CENPP: variants seen among roughly 807,000 people sequenced by gnomAD.
CENPP encodes the protein centromere protein P.
Under a neutral mutation model 35.6 loss-of-function variants are expected in CENPP, and 24 were observed. The observed-to-expected ratio is 0.67, with a 90% CI of 0.49 to 0.95. The LOEUF is 0.95. Among genes scored for constraint, CENPP ranks in the 40% least tolerant of loss-of-function variants. CENPP has a pLI of 0.00. For missense variants in CENPP, 332 were observed against 345.3 expected (o/e 0.96, Z 0.31); for synonymous variants, 120 against 125.5 (o/e 0.96, Z 0.29).
In CENPP at chr9:92,411,560, G is replaced by C. The variant is rs567430517; in HGVS notation, c.564+31701G>C. Among the ~76,000 whole-genome samples the C allele has an allele frequency of 1.1e-4, 17 of 152,306 alleles. No homozygotes were observed. In the South Asian group the frequency reaches 3.1e-3, roughly 28 times the overall value. The stretch of plus-strand genomic sequence containing the variant: ...TCAGCCCACCTCAGCCTCCCAAAGT[G>C]CTGGTATTACAGGTGTAATCCACCA... On this transcript the variant is annotated intron_variant, in intron 5 of 7. Transcript: ENST00000375587.
At chr9:92,352,278 G>A (rs1841467963) in intron 4 of CENPP, among the ~76,000 whole-genome samples, 1 of 150,388 alleles carries the variant, frequency 6.6e-6, no homozygotes, top group African/African-American at 2.4e-5. Flanking sequence ...GCTGAGGCAC[G>A]AAAATCGCTT....
At chr9:92,430,719 TG>T (rs1844086568) in intron 5 of CENPP, among the ~76,000 whole-genome samples, 1 of 152,136 alleles carries the variant, frequency 6.6e-6, no homozygotes, top group Non-Finnish European at 1.5e-5. Flanking sequence ...CTGCATTTGC[TG>T]AAAAATTCTT....
In CENPP at chr9:92,552,024, AT is replaced by A. The variant is rs1564000144; in HGVS notation, c.565-59289del. 9.8e-4 allele frequency among the ~76,000 whole-genome samples: 125 copies of A among 127,018 alleles called. 4 individuals carry two copies. Among genetic ancestry groups the A allele is most frequent in the Non-Finnish European group, 1.1e-3 (71 of 62,182 alleles). The allele number at this position is 127,018 out of a possible 152,430, so 83.3% of individuals were successfully genotyped here. ...TATGTGTATATATATGATATGATAG[AT>A]CTATCATATATGTGATATTATAGGT... is the stretch of plus-strand genomic sequence containing the variant. On this transcript the variant is annotated intron_variant, in intron 5 of 7. Coordinates refer to ENST00000375587, the MANE Select transcript of CENPP (RefSeq NM_001012267.3).
intron 5 of CENPP, among the ~76,000 whole-genome samples, chr9:92,528,830 G>C (rs192002121): frequency 5.5e-4 from 84 of 152,324 alleles, no homozygotes; most frequent in African/African-American, 1.8e-3. Flanking sequence ...AGGATCCAAT[G>C]TAAATTTACC....
At chr9:92,450,357 G>C (rs1345053558) in intron 5 of CENPP, among the ~76,000 whole-genome samples, 2 of 148,436 alleles carry the variant, frequency 1.3e-5, no homozygotes, top group Non-Finnish European at 3.0e-5. Context: ...TTGGTTTTTT[G>C]TTCTTGCGAT....
chr9:92,549,464 T>C (rs962875060), intron 5 of CENPP, among the ~76,000 whole-genome samples: 2 of 152,104 alleles, frequency 1.3e-5, no homozygotes, highest in Non-Finnish European at 2.9e-5. Flanking sequence ...CTGGCCAATG[T>C]GGTGAAACAC....
At chr9:92,519,123 C>T (rs894509595) in intron 5 of CENPP, among the ~76,000 whole-genome samples, 1 of 152,166 alleles carries the variant, frequency 6.6e-6, no homozygotes, top group African/African-American at 2.4e-5. Flanking sequence ...TTAGTCCCCT[C>T]CTTTCCCCGA....
At chr9:92,426,978 C>G (rs1353011216) in intron 5 of CENPP, among the ~76,000 whole-genome samples, 2 of 152,040 alleles carry the variant, frequency 1.3e-5, no homozygotes, top group Non-Finnish European at 2.9e-5. Context: ...TAAAAGGAAC[C>G]AGGGCTGCTC....
chr9:92,385,808 A>G, intron 5 of CENPP: 1 of 1,613,522 alleles, frequency 6.2e-7, no homozygotes, highest in Non-Finnish European at 8.5e-7. Flanking sequence ...AAAACGAGGA[A>G]AACATTGTTC....
intron 5 of CENPP, among the ~76,000 whole-genome samples, chr9:92,533,331 ATATATATATAT>A (rs1848970867): frequency 2.5e-5 from 2 of 79,086 alleles, no homozygotes; most frequent in African/African-American, 4.8e-5. Context: ...AAAAAAAAAT[ATATATATATAT>A]ATATATATAT....
chr9:92,538,238 A>G (rs1849236419), intron 5 of CENPP, among the ~76,000 whole-genome samples: 1 of 152,246 alleles, frequency 6.6e-6, no homozygotes, highest in Admixed American at 6.5e-5. Flanking sequence ...TTGGAGAAAC[A>G]GAAGTAACTC....
At chr9:92,443,658 GTT>G (rs34836469) in intron 5 of CENPP, among the ~76,000 whole-genome samples, 4,702 of 148,306 alleles carry the variant, frequency 0.032, 113 homozygotes, top group South Asian at 0.086. Context: ...ATGTTACAAA[GTT>G]TTTTTTTTTT....
chr9:92,592,124 TATAA>T (rs765635759), intron 5 of CENPP, among the ~76,000 whole-genome samples: 26 of 152,174 alleles, frequency 1.7e-4, no homozygotes, highest in Non-Finnish European at 2.6e-4. Context: ...CTTATACATG[TATAA>T]ATATATACAT....
chr9:92,420,542 C>T (rs1363660914), intron 5 of CENPP, among the ~76,000 whole-genome samples: 3 of 152,160 alleles, frequency 2.0e-5, no homozygotes, highest in East Asian at 3.9e-4. Context: ...TTTCCTTAGA[C>T]CATCCTCCTT....
chr9:92,522,482 A>T, intron 5 of CENPP: 2 of 1,221,030 alleles, frequency 1.6e-6, no homozygotes, highest in Non-Finnish European at 1.1e-6. Flanking sequence ...CTTCATGGAG[A>T]TGTTCTCCCT....
intron 5 of CENPP, chr9:92,417,386 T>A: frequency 6.2e-7 from 1 of 1,614,118 alleles, no homozygotes; most frequent in Admixed American, 1.7e-5. Context: ...GCCTAAAGTA[T>A]ACTGATGAAA....
At chr9:92,604,853 C>G (rs1851029930) in intron 5 of CENPP, among the ~76,000 whole-genome samples, 1 of 152,100 alleles carries the variant, frequency 6.6e-6, no homozygotes, top group Non-Finnish European at 1.5e-5. Flanking sequence ...CTCAGCCTAC[C>G]AAGGTGCTGG....
chr9:92,486,483 G>GA (rs1846060539), intron 5 of CENPP, among the ~76,000 whole-genome samples: 1 of 152,086 alleles, frequency 6.6e-6, no homozygotes, highest in African/African-American at 2.4e-5. Flanking sequence ...AATGTATTTG[G>GA]AAAAATATGA....
intron 4 of CENPP, among the ~76,000 whole-genome samples, chr9:92,374,241 CTGTGTGTGTGTGTGTGTGTGTG>C (rs10569730): frequency 2.1e-5 from 3 of 142,852 alleles, no homozygotes; most frequent in East Asian, 4.1e-4. Flanking sequence ...TTGCTGTTTG[CTGTGTGTGTGTGTGTGTGTGTG>C]TGTGTGTGTG....
Sources: allele counts gnomAD v4.1 joint callset (sites outside exome capture counted in the v4.1 genomes callset), GRCh38; gene constraint gnomAD v4.1.1; transcripts MANE v1.5; gene names NCBI Gene and HGNC (gene_info 2026-07-23, HGNC 2026-07-21).